The following AATF variants were observed in gnomAD, a reference collection of about 807,000 sequenced individuals.
AATF encodes the protein apoptosis antagonizing transcription factor, also known as protein AATF.
Under a neutral mutation model 63.7 loss-of-function variants are expected in AATF, and 48 were observed. The ratio of observed to expected loss-of-function variants is 0.75; its 90% confidence interval spans 0.60 to 0.96. AATF has a LOEUF of 0.96. Ranked by LOEUF, AATF falls within the 40% of genes least tolerant of loss-of-function variation. The pLI, the probability that AATF is intolerant of heterozygous loss-of-function variation, is 0.00. For missense variants in AATF, 639 were observed against 685.7 expected (o/e 0.93, Z 0.76); for synonymous variants, 258 against 247.7 (o/e 1.04, Z -0.39).
chr17:37,018,708 T>C (rs1289299761), intron 8 of AATF, among the ~76,000 whole-genome samples: 2 of 152,192 alleles, frequency 1.3e-5, no homozygotes, highest in African/African-American at 2.4e-5. Flanking sequence ...ACAAAACTAA[T>C]CATAAAAATA....
intron 11 of AATF, among the ~76,000 whole-genome samples, chr17:37,048,821 C>T (rs1373344434): frequency 6.6e-6 from 1 of 152,336 alleles, no homozygotes; most frequent in East Asian, 1.9e-4. Context: ...CATAGAGACA[C>T]TTCTCAAATA....
chr17:37,032,764 TGA>T (rs997775818), intron 11 of AATF, among the ~76,000 whole-genome samples: 2 of 152,238 alleles, frequency 1.3e-5, no homozygotes, highest in Non-Finnish European at 2.9e-5. Flanking sequence ...TTTTATATAC[TGA>T]GAGCATTTTC....
At chr17:36,978,874 G>A (rs931963970) in intron 4 of AATF, among the ~76,000 whole-genome samples, 1 of 151,748 alleles carries the variant, frequency 6.6e-6, no homozygotes, top group African/African-American at 2.4e-5. Context: ...ATGATACAGT[G>A]GAGCCTTCAC....
At chr17:36,957,362 A>T (rs1343538850) in intron 4 of AATF, among the ~76,000 whole-genome samples, 2 of 152,222 alleles carry the variant, frequency 1.3e-5, no homozygotes, top group African/African-American at 4.8e-5. Context: ...TTTTCTGCTC[A>T]AAGAGGCATT....
At chr17:37,032,579 G>A (rs991116592) in intron 11 of AATF, among the ~76,000 whole-genome samples, 1 of 152,164 alleles carries the variant, frequency 6.6e-6, no homozygotes, top group Non-Finnish European at 1.5e-5. Context: ...TTGTTAGTGA[G>A]TATTGCTATT....
chr17:37,001,451 GGAAGAAA>G (rs1454870128), intron 8 of AATF, among the ~76,000 whole-genome samples: 16 of 115,890 alleles, frequency 1.4e-4, no homozygotes, highest in African/African-American at 5.0e-4. Flanking sequence ...AAGGAAGGAA[GGAAGAAA>G]AAAAAAAAAA....
chr17:37,039,293 A>G (rs1460214009), intron 11 of AATF, among the ~76,000 whole-genome samples: 1 of 152,218 alleles, frequency 6.6e-6, no homozygotes, highest in Non-Finnish European at 1.5e-5. Flanking sequence ...GAGGCTTCGT[A>G]TCTCCTAAAA....
chr17:37,035,679 T>G (rs2071586567), intron 11 of AATF, among the ~76,000 whole-genome samples: 1 of 152,020 alleles, frequency 6.6e-6, no homozygotes, highest in South Asian at 2.1e-4. Flanking sequence ...CAGTCTGACC[T>G]CAGGTGATTT....
At chr17:37,014,033 A>C (rs954434412) in intron 8 of AATF, among the ~76,000 whole-genome samples, 1 of 151,752 alleles carries the variant, frequency 6.6e-6, no homozygotes, top group Non-Finnish European at 1.5e-5. Context: ...CCTGAGTTAG[A>C]CCTCTCGTTT....
intron 2 of AATF, among the ~76,000 whole-genome samples, chr17:36,950,858 A>G (rs1294965605): frequency 1.3e-5 from 2 of 152,186 alleles, no homozygotes; most frequent in Non-Finnish European, 2.9e-5. Flanking sequence ...CTCACCCTAC[A>G]GTGGAGTGAC....
intron 11 of AATF, among the ~76,000 whole-genome samples, chr17:37,032,728 T>C (rs1411063078): frequency 6.6e-6 from 1 of 152,254 alleles, no homozygotes; most frequent in Non-Finnish European, 1.5e-5. Flanking sequence ...TTTTCTTTTT[T>C]ATATTGAAAT....
At chr17:36,965,136 C>T (rs767175836) in intron 4 of AATF, among the ~76,000 whole-genome samples, 7 of 152,206 alleles carry the variant, frequency 4.6e-5, no homozygotes, top group Non-Finnish European at 1.0e-4. Context: ...CTGGTTTCCT[C>T]TTGCTGCTGT....
chr17:37,045,684 A>G (rs1567996563), intron 11 of AATF: 1 of 152,312 alleles, frequency 6.6e-6, no homozygotes, highest in African/African-American at 2.4e-5. Context: ...ACAACTGTAC[A>G]GCCAGACAGA....
chr17:37,008,945 A>G (rs928754431), intron 8 of AATF, among the ~76,000 whole-genome samples: 3 of 152,234 alleles, frequency 2.0e-5, no homozygotes, highest in Non-Finnish European at 2.9e-5. Flanking sequence ...TAAAGAGACT[A>G]CAGGAAAGGT....
intron 10 of AATF, among the ~76,000 whole-genome samples, chr17:37,026,516 G>A (rs1597731157): frequency 6.6e-6 from 1 of 152,178 alleles, no homozygotes; most frequent in East Asian, 1.9e-4. Context: ...AACTGCCTAG[G>A]TTTGAAAGCT....
chr17:37,051,697 G>GACAGACAGACACACACACAC, intron 11 of AATF, among the ~76,000 whole-genome samples: 1 of 137,228 alleles, frequency 7.3e-6, no homozygotes, highest in African/African-American at 2.8e-5. Flanking sequence ...CAGACAGACA[G>GACAGACAGACACACACACAC]ACACACACAC....
Position 37,030,480 on chromosome 17 carries a change from A to C in AATF, c.1548-1134A>C, listed in dbSNP as rs543630691. Among the ~76,000 whole-genome samples, 38 of 152,338 alleles carry C rather than the reference A, an allele frequency of 2.5e-4. 1 individual carries two copies. In the South Asian group the frequency reaches 7.5e-3, roughly 30 times the overall value. On this transcript the variant is annotated intron_variant, in intron 10 of 11. Coordinates refer to ENST00000619387, the MANE Select transcript of AATF (RefSeq NM_012138.4). Reference sequence around the variant, plus strand: ...TTTATGTATATAGAGAGGGCACATTATAATGAGTAGAAAAGGATACCCCTT... The same window carrying C: ...TTTATGTATATAGAGAGGGCACATTCTAATGAGTAGAAAAGGATACCCCTT...
At chr17:36,998,905 A>G (rs2071274188) in intron 8 of AATF, 1 of 152,234 alleles carries the variant, frequency 6.6e-6, no homozygotes, top group Non-Finnish European at 1.5e-5. Flanking sequence ...AAGAGCAATC[A>G]GGTATTTGAT....
At chr17:37,020,180 A>G (rs1256917778) in intron 9 of AATF, among the ~76,000 whole-genome samples, 1 of 152,090 alleles carries the variant, frequency 6.6e-6, no homozygotes, top group South Asian at 2.1e-4. Context: ...AAATGACTGC[A>G]GAATATGTGA....
Sources: allele counts gnomAD v4.1 joint callset (sites outside exome capture counted in the v4.1 genomes callset), GRCh38; gene constraint gnomAD v4.1.1; transcripts MANE v1.5; gene names NCBI Gene and HGNC (gene_info 2026-07-23, HGNC 2026-07-21).